The following ADGRB3 variants were observed in gnomAD, a reference collection of about 807,000 sequenced individuals.
The protein encoded by ADGRB3 is brain-specific angiogenesis inhibitor 3.
In ADGRB3, 37 loss-of-function variants were observed where a neutral mutation model predicts 193.4. The ratio of observed to expected loss-of-function variants is 0.19; its 90% CI spans 0.15 to 0.25. The LOEUF is 0.25. Ranked by LOEUF, ADGRB3 falls within the 10% of genes least tolerant of loss-of-function variation. The pLI, the probability that ADGRB3 is intolerant of heterozygous loss-of-function variation, is 1.00. For synonymous variants in ADGRB3, 690 were observed against 644.2 expected, an observed-to-expected ratio of 1.07 and a Z score of -1.08; for missense variants, 1,637 against 1,852.9, an observed-to-expected ratio of 0.88 and a Z score of 2.14.
intron 3 of ADGRB3, among the ~76,000 whole-genome samples, chr6:68,821,201 CTTT>C (rs1342213380): frequency 2.6e-5 from 4 of 152,044 alleles, no homozygotes; most frequent in African/African-American, 9.6e-5. Flanking sequence ...GCTCTTACTT[CTTT>C]GTTTTTACCA....
chr6:69,060,251 C>CTCTCTCT (rs1562141973), intron 15 of ADGRB3, among the ~76,000 whole-genome samples: 1 of 61,242 alleles, frequency 1.6e-5, no homozygotes, highest in South Asian at 4.0e-4. Flanking sequence ...TCTCTCTCTC[C>CTCTCTCT]TCCTCTGTCT....
chr6:68,923,840 T>A (rs1202311106), intron 3 of ADGRB3, among the ~76,000 whole-genome samples: 3 of 152,036 alleles, frequency 2.0e-5, no homozygotes, highest in Non-Finnish European at 2.9e-5. Context: ...GAAATAACCA[T>A]CCAGGGACAA....
chr6:69,322,988 G>T (rs1296474725), intron 20 of ADGRB3, among the ~76,000 whole-genome samples: 1 of 152,016 alleles, frequency 6.6e-6, no homozygotes, highest in Non-Finnish European at 1.5e-5. Context: ...AATTACATGT[G>T]CTTCAATTTG....
At chr6:68,856,344 C>T (rs915315984) in intron 3 of ADGRB3, among the ~76,000 whole-genome samples, 2 of 152,122 alleles carry the variant, frequency 1.3e-5, no homozygotes, top group African/African-American at 4.8e-5. Flanking sequence ...TGGGAGGACT[C>T]AGAAAATGAG....
At chr6:69,210,149 C>CATTATATATATATATATATATATATAT (rs1765628851) in intron 17 of ADGRB3, among the ~76,000 whole-genome samples, 1 of 78,940 alleles carries the variant, frequency 1.3e-5, no homozygotes, top group Non-Finnish European at 2.5e-5. Flanking sequence ...TAATATATAT[C>CATTATATATATATATATATATATATAT]ATATATATAT....
intron 17 of ADGRB3, among the ~76,000 whole-genome samples, chr6:69,092,453 A>C (rs1772736120): frequency 6.6e-6 from 1 of 152,174 alleles, no homozygotes; most frequent in Non-Finnish European, 1.5e-5. Flanking sequence ...TTCATCTTCC[A>C]ACCCCGTCCC....
In ADGRB3 at chr6:68,919,546, G is replaced by A. The variant is rs372915577; in HGVS notation, c.758-11013G>A. 5.2e-3 allele frequency among the ~76,000 whole-genome samples: 793 copies of A among 152,266 alleles called. 3 individuals are homozygous for A. The highest frequency in any genetic ancestry group is 0.012 in the South Asian group (57 of 4,828). Reference sequence around the variant, plus strand: ...TGAGATTTCTGGGGAAGAGAATGTTGAGGCAGAACCTAAGGGAAAAACTCA... The same window carrying A: ...TGAGATTTCTGGGGAAGAGAATGTTAAGGCAGAACCTAAGGGAAAAACTCA... On this transcript the variant is annotated intron_variant, in intron 3 of 31. Transcript: ENST00000370598.
At chr6:69,354,406 T>C (rs891524079) in intron 27 of ADGRB3, 78 bp downstream of exon 27, 1 of 1,247,506 alleles carries the variant, frequency 8.0e-7, no homozygotes, top group South Asian at 1.2e-5. Context: ...ATGAGTAAAA[T>C]AGTGTAAAAT....
intron 3 of ADGRB3, among the ~76,000 whole-genome samples, chr6:68,928,363 A>G (rs1219882058): frequency 1.3e-5 from 2 of 152,164 alleles, no homozygotes; most frequent in African/African-American, 2.4e-5. Context: ...TGCTCCAACA[A>G]CAACAACAAA....
At chr6:69,125,088 G>A (rs1052785954) in intron 17 of ADGRB3, among the ~76,000 whole-genome samples, 1 of 152,108 alleles carries the variant, frequency 6.6e-6, no homozygotes, top group Non-Finnish European at 1.5e-5. Context: ...TGACAAGCAG[G>A]CTTCCTCTTA....
intron 20 of ADGRB3, among the ~76,000 whole-genome samples, chr6:69,308,797 G>T (rs1768119075): frequency 6.6e-6 from 1 of 151,586 alleles, no homozygotes; most frequent in Non-Finnish European, 1.5e-5. Flanking sequence ...CAAGATGGCT[G>T]CTCCTGCTCC....
chr6:68,844,109 G>C (rs1296995990), intron 3 of ADGRB3, among the ~76,000 whole-genome samples: 1 of 152,058 alleles, frequency 6.6e-6, no homozygotes, highest in East Asian at 1.9e-4. Context: ...ACATTGGTCT[G>C]GGCAAAGATT....
chr6:68,820,874 A>G (rs1389861088), intron 3 of ADGRB3, among the ~76,000 whole-genome samples: 4 of 152,204 alleles, frequency 2.6e-5, no homozygotes, highest in South Asian at 4.1e-4. Context: ...ACCATGTCCT[A>G]TTGTCCCTCT....
At chr6:69,148,197 C>G (rs576729472) in intron 17 of ADGRB3, among the ~76,000 whole-genome samples, 2 of 151,978 alleles carry the variant, frequency 1.3e-5, no homozygotes, top group African/African-American at 4.8e-5. Flanking sequence ...TTTTGTGGTC[C>G]TCTCTTCCTT....
intron 17 of ADGRB3, among the ~76,000 whole-genome samples, chr6:69,210,140 AATATATATC>A (rs1343251237): frequency 1.6e-5 from 1 of 62,342 alleles, no homozygotes; most frequent in African/African-American, 1.0e-4. Context: ...ATCATATATT[AATATATATC>A]ATATATATAT....
At chr6:69,309,289 G>T (rs1406928891) in intron 20 of ADGRB3, among the ~76,000 whole-genome samples, 1 of 151,676 alleles carries the variant, frequency 6.6e-6, no homozygotes, top group African/African-American at 2.4e-5. Context: ...ATTTTCAACA[G>T]ATAATGTGAT....
intron 3 of ADGRB3, among the ~76,000 whole-genome samples, chr6:68,819,146 C>T (rs1425227013): frequency 1.3e-5 from 2 of 151,944 alleles, no homozygotes; most frequent in Non-Finnish European, 2.9e-5. Context: ...ATGCACCTAT[C>T]CTCATTTATA....
At chr6:69,214,864 T>A (rs781302334) in intron 17 of ADGRB3, among the ~76,000 whole-genome samples, 3 of 152,002 alleles carry the variant, frequency 2.0e-5, no homozygotes, top group Non-Finnish European at 2.9e-5. Context: ...ATATACTTTT[T>A]AAGTTACAAA....
chr6:69,250,364 T>A (rs1766594916), intron 20 of ADGRB3, among the ~76,000 whole-genome samples: 1 of 152,192 alleles, frequency 6.6e-6, no homozygotes, highest in Non-Finnish European at 1.5e-5. Context: ...CCTATTTCTT[T>A]GTTTAGAAAT....
Sources: allele counts gnomAD v4.1 joint callset (sites outside exome capture counted in the v4.1 genomes callset), GRCh38; gene constraint gnomAD v4.1.1; transcripts MANE v1.5; gene names NCBI Gene and HGNC (gene_info 2026-07-23, HGNC 2026-07-21).